Variants in ROR1 observed in about 807,000 individuals in gnomAD.
ROR1 encodes inactive tyrosine-protein kinase transmembrane receptor ROR1.
A neutral mutation model predicts 78.8 loss-of-function variants in ROR1; 19 were observed. The observed-to-expected ratio is 0.24, with a 90% CI of 0.17 to 0.35. The LOEUF (loss-of-function observed/expected upper bound fraction) is 0.35. Ranked by LOEUF, ROR1 falls within the 10% of genes least tolerant of loss-of-function variation. The pLI, the probability that ROR1 is intolerant of heterozygous loss-of-function variation, is 1.00. For synonymous variants in ROR1, 386 were observed against 433.6 expected (o/e 0.89, Z 1.36); for missense variants, 917 against 1,177.8 (o/e 0.78, Z 3.24).
rs115791358 is a variant in ROR1, at chr1:63,834,520, A to T, written c.91+60012A>T. Among the ~76,000 whole-genome samples, 930 of 152,318 alleles carry T rather than the reference A, an allele frequency of 6.1e-3. 6 individuals are homozygous for T. The highest frequency in any genetic ancestry group is 0.02 in the African/African-American group (844 of 41,560). On this transcript the variant is annotated intron_variant, in intron 1 of 8. Coordinates refer to ENST00000371079, the MANE Select transcript of ROR1 (RefSeq NM_005012.4). ...AGCAAAACTATAAAATAGCATTTTT[A>T]AAAAATGGCAGCTCTTCTGTTCTGA...
chr1:63,800,992 A>G (rs1644793657), intron 1 of ROR1, among the ~76,000 whole-genome samples: 1 of 152,008 alleles, frequency 6.6e-6, no homozygotes, highest in African/African-American at 2.4e-5. Context: ...GATTAAATGA[A>G]ATAATATAAT....
chr1:63,846,694 G>A (rs937808246), intron 1 of ROR1, among the ~76,000 whole-genome samples: 19 of 152,182 alleles, frequency 1.2e-4, no homozygotes, highest in African/African-American at 4.1e-4. Context: ...GCAACTGCGC[G>A]GCTTGATACT....
intron 1 of ROR1, among the ~76,000 whole-genome samples, chr1:63,996,373 C>T (rs183014361): frequency 1.3e-5 from 2 of 152,264 alleles, no homozygotes; most frequent in African/African-American, 4.8e-5. Flanking sequence ...TTATTGATCT[C>T]CCCAGGCTAT....
chr1:63,843,220 C>G (rs575694117), intron 1 of ROR1: 7 of 1,497,764 alleles, frequency 4.7e-6, no homozygotes, highest in South Asian at 1.1e-5. Context: ...AGGGAGATGA[C>G]CGCACTGCCC....
intron 1 of ROR1, among the ~76,000 whole-genome samples, chr1:63,902,333 T>TC (rs947302879): frequency 3.3e-5 from 5 of 151,508 alleles, no homozygotes; most frequent in Admixed American, 1.3e-4. Flanking sequence ...CCTTTTTTTT[T>TC]TCTTTTAAGA....
intron 4 of ROR1, among the ~76,000 whole-genome samples, chr1:64,062,437 G>T (rs905013217): frequency 1.3e-5 from 2 of 151,742 alleles, no homozygotes; most frequent in African/African-American, 4.8e-5. Flanking sequence ...TCAGCCTCCC[G>T]GGTAGCTGGG....
At chr1:63,901,301 C>T (rs1426109399) in intron 1 of ROR1, among the ~76,000 whole-genome samples, 2 of 152,106 alleles carry the variant, frequency 1.3e-5, no homozygotes, top group Non-Finnish European at 2.9e-5. Context: ...TCTGAACCAC[C>T]GATCACCTAC....
intron 4 of ROR1, among the ~76,000 whole-genome samples, chr1:64,051,560 A>G (rs1246887840): frequency 2.0e-5 from 3 of 152,132 alleles, no homozygotes; most frequent in Admixed American, 6.5e-5. Flanking sequence ...TGAGAGTTGC[A>G]TGGAAGTTTG....
intron 2 of ROR1, among the ~76,000 whole-genome samples, chr1:64,033,945 C>T (rs886109932): frequency 2.0e-5 from 3 of 152,178 alleles, no homozygotes; most frequent in Admixed American, 6.5e-5. Flanking sequence ...CCAGGTCCAC[C>T]CATCTCTTTA....
intron 4 of ROR1, among the ~76,000 whole-genome samples, chr1:64,133,795 C>T (rs1311889492): frequency 6.6e-6 from 1 of 152,200 alleles, no homozygotes; most frequent in Non-Finnish European, 1.5e-5. Context: ...CCACTTGCTT[C>T]ATGTTTTTAA....
At chr1:64,163,159 A>C (rs1220065739) in intron 8 of ROR1, among the ~76,000 whole-genome samples, 1 of 151,706 alleles carries the variant, frequency 6.6e-6, no homozygotes, top group Admixed American at 6.6e-5. Context: ...CAAGCTGGAC[A>C]GATCGCTTGA....
chr1:64,176,500 A>C (rs1650384274), intron 8 of ROR1, among the ~76,000 whole-genome samples: 1 of 152,142 alleles, frequency 6.6e-6, no homozygotes, highest in Admixed American at 6.5e-5. Flanking sequence ...ATTGAGGCAA[A>C]AGTTAAATGT....
At chr1:64,160,729 C>T (rs1265934244) in intron 8 of ROR1, among the ~76,000 whole-genome samples, 2 of 152,192 alleles carry the variant, frequency 1.3e-5, no homozygotes, top group East Asian at 3.9e-4. Context: ...TTTTACCTAG[C>T]TCATGACTTC....
chr1:63,825,804 C>T (rs369305705), intron 1 of ROR1, among the ~76,000 whole-genome samples: 34 of 152,182 alleles, frequency 2.2e-4, no homozygotes, highest in African/African-American at 7.0e-4. Context: ...TTTCCTTTTA[C>T]GCCAAAATCC....
intron 7 of ROR1, among the ~76,000 whole-genome samples, chr1:64,156,687 C>G (rs1197983352): frequency 8.4e-6 from 1 of 118,522 alleles, no homozygotes; most frequent in Non-Finnish European, 1.6e-5. Context: ...AGCCTGGTGA[C>G]AGAGCGAGAC....
Position 63,853,996 on chromosome 1 carries a change from G to A in ROR1, c.91+79488G>A, listed in dbSNP as rs367678908. Among the ~76,000 whole-genome samples, 24 of 152,274 alleles carry A rather than the reference G, an allele frequency of 1.6e-4. 1 individual carries two copies. The highest frequency in any genetic ancestry group is 1.0e-3 in the Admixed American group (16 of 15,286). On this transcript the variant is annotated intron_variant, in intron 1 of 8. Transcript: ENST00000371079. ...CTAATGCTGCTGTGACTGTGGCCTAGCCTCTTACTCTTTCTGGATCTCAGT... is the reference window on the plus strand; with the variant it reads ...CTAATGCTGCTGTGACTGTGGCCTAACCTCTTACTCTTTCTGGATCTCAGT...
chr1:63,935,274 A>T (rs1369170511), intron 1 of ROR1, among the ~76,000 whole-genome samples: 1 of 152,184 alleles, frequency 6.6e-6, no homozygotes, highest in Non-Finnish European at 1.5e-5. Context: ...CTTATAGCTT[A>T]GTTCTGCAAG....
rs79653223 is a variant in ROR1, at chr1:64,178,898, C to T, written c.*43C>T. 1.4e-3 allele frequency: 2,017 copies of T among 1,419,406 alleles called. 30 individuals carry two copies. In the African/African-American group the frequency reaches 0.02, roughly 14 times the overall value. 87.9% of individuals were successfully genotyped at this position (1,419,406 alleles called of 1,614,324 possible). On this transcript the variant is annotated 3_prime_UTR_variant, in exon 9 of 9. Coordinates refer to ENST00000371079, the MANE Select transcript of ROR1 (RefSeq NM_005012.4). The surrounding 1 kb of genome is among the most constrained non-coding windows in gnomAD (Gnocchi z 4.3). ...AATGTGGTATACAGGACAAACTAGA[C>T]GGCCGTAGAAAAGATTTATATTCAA...
intron 2 of ROR1, among the ~76,000 whole-genome samples, chr1:64,024,674 C>G (rs953546444): frequency 6.6e-6 from 1 of 152,142 alleles, no homozygotes; most frequent in Non-Finnish European, 1.5e-5. Flanking sequence ...GAGGTACCTA[C>G]TACACAGTGT....
Sources: gnomAD v4.1 joint callset for allele counts (sites outside exome capture counted in the v4.1 genomes callset) on GRCh38, gnomAD v4.1.1 for gene constraint, Gnocchi (gnomAD v3.1) non-coding constraint, MANE v1.5 for transcripts, NCBI Gene and HGNC (gene_info 2026-07-23, HGNC 2026-07-21) for gene names.